The following COL13A1 variants were observed in gnomAD, a reference collection of about 807,000 sequenced individuals.
COL13A1 encodes collagen alpha-1(XIII) chain.
Under a neutral mutation model 130.9 loss-of-function variants are expected in COL13A1, and 89 were observed. The ratio of observed to expected loss-of-function variants is 0.68; its 90% CI spans 0.57 to 0.81. The LOEUF (loss-of-function observed/expected upper bound fraction) is 0.81, where lower values mean the gene tolerates loss of function less well. Ranked by LOEUF, COL13A1 falls within the 30% of genes least tolerant of loss-of-function variation. The pLI, the probability that COL13A1 is intolerant of heterozygous loss-of-function variation, is 0.00. For missense variants in COL13A1, 879 were observed against 934.6 expected, an observed-to-expected ratio of 0.94 and a Z score of 0.78; for synonymous variants, 402 against 341.6, an observed-to-expected ratio of 1.18 and a Z score of -1.95.
intron 2 of COL13A1, among the ~76,000 whole-genome samples, chr10:69,845,216 A>T (rs1852687887): frequency 7.0e-6 from 1 of 143,732 alleles, no homozygotes. Context: ...TTTCTGAGAC[A>T]GAGTCTTACT....
chr10:69,840,065 G>A (rs920649861), intron 2 of COL13A1, among the ~76,000 whole-genome samples: 20 of 152,242 alleles, frequency 1.3e-4, no homozygotes, highest in African/African-American at 4.6e-4. Flanking sequence ...AATGGGGAGA[G>A]TGTGCAGATT....
intron 2 of COL13A1, among the ~76,000 whole-genome samples, chr10:69,835,238 G>A (rs1411947784): frequency 6.6e-6 from 1 of 152,162 alleles, no homozygotes; most frequent in African/African-American, 2.4e-5. Context: ...AGAAGGTTCT[G>A]CCACAGTGAC....
intron 10 of COL13A1, among the ~76,000 whole-genome samples, chr10:69,894,282 T>C (rs2061439970): frequency 6.6e-6 from 1 of 152,288 alleles, no homozygotes; most frequent in African/African-American, 2.4e-5. Context: ...GTAGAGCCCC[T>C]CCATAGCTGG....
At chr10:69,945,930 G>A (rs1463387024) in intron 37 of COL13A1, among the ~76,000 whole-genome samples, 2 of 152,050 alleles carry the variant, frequency 1.3e-5, no homozygotes, top group African/African-American at 4.8e-5. Context: ...ACTTAGCCAC[G>A]TGTGGTGGTG....
chr10:69,885,199 T>G (rs1349760835), intron 7 of COL13A1, among the ~76,000 whole-genome samples: 2 of 151,914 alleles, frequency 1.3e-5, no homozygotes, highest in African/African-American at 4.9e-5. Context: ...AGATTAAGTT[T>G]GTCTGTAGAA....
At chr10:69,817,908 T>C (rs1845018339) in intron 1 of COL13A1, among the ~76,000 whole-genome samples, 1 of 152,104 alleles carries the variant, frequency 6.6e-6, no homozygotes. Flanking sequence ...CATGGTGCTG[T>C]TGAGATTTAA....
At chr10:69,848,427 C>T (rs965822851) in intron 2 of COL13A1, among the ~76,000 whole-genome samples, 1 of 152,134 alleles carries the variant, frequency 6.6e-6, no homozygotes, top group Non-Finnish European at 1.5e-5. Context: ...TATAAAGAGA[C>T]TGAGGCTCAG....
At chr10:69,808,702 A>G (rs1313135262) in intron 1 of COL13A1, among the ~76,000 whole-genome samples, 1 of 152,240 alleles carries the variant, frequency 6.6e-6, no homozygotes, top group Non-Finnish European at 1.5e-5. Flanking sequence ...CGATAGAGGC[A>G]TGCTGTCTTG....
In COL13A1 at chr10:69,802,568, A is replaced by G. The variant is rs778271671; in HGVS notation, c.145A>G (p.Thr49Ala). ...LPSPGSCGLL[T>A]LALCSLALSL... ...GAGTCCAGGGTCGTGCGGGCTGCTGACGCTGGCCCTCTGCTCGCTGGCACT... is the reference window on the plus strand; with the variant it reads ...GAGTCCAGGGTCGTGCGGGCTGCTGGCGCTGGCCCTCTGCTCGCTGGCACT... Residue 49 changes from threonine to alanine, a missense_variant, in exon 1 of 41, where the codon ACG becomes GCG. Coordinates refer to ENST00000645393, the MANE Select transcript of COL13A1 (RefSeq NM_001368882.1). The G allele has an allele frequency of 6.2e-7, 1 of 1,610,208 alleles. No homozygotes were observed. The highest frequency in any genetic ancestry group is 1.7e-5 in the Admixed American group (1 of 59,866).
chr10:69,929,174 A>C (rs2065781703), intron 28 of COL13A1, among the ~76,000 whole-genome samples, 175 bp downstream of exon 28: 1 of 151,424 alleles, frequency 6.6e-6, no homozygotes, highest in Non-Finnish European at 1.5e-5. Context: ...CTTCTAGCCA[A>C]CCCTTGCCAT....
intron 13 of COL13A1, among the ~76,000 whole-genome samples, chr10:69,896,820 G>A (rs1327794551): frequency 1.3e-5 from 2 of 152,240 alleles, no homozygotes; most frequent in Non-Finnish European, 1.5e-5. Context: ...GCCTGTCAGC[G>A]GCATGTGCTC....
At position 69,880,514 on chromosome 10, in the gene COL13A1, A is replaced by G. The variant is rs2060022167; in HGVS notation, c.474A>G (p.Gly158=). The G allele has an allele frequency of 6.2e-7, 1 of 1,612,602 alleles. No homozygotes were observed. Among genetic ancestry groups the G allele is most frequent in the Admixed American group, 1.7e-5 (1 of 59,970 alleles). ...KGQPGEKGSP[G]DAGLSIIGPR... ...CTCTCTCCCCGCAGGGGTCCCCCGGAGACGCTGGGCTGTCCATCATTGGTC... is the reference window on the plus strand; with the variant it reads ...CTCTCTCCCCGCAGGGGTCCCCCGGGGACGCTGGGCTGTCCATCATTGGTC... The change falls in exon 7 of 41, where the codon GGA becomes GGG. Residue 158 remains glycine, a synonymous_variant. Coordinates refer to ENST00000645393, the MANE Select transcript of COL13A1 (RefSeq NM_001368882.1).
intron 2 of COL13A1, among the ~76,000 whole-genome samples, chr10:69,831,306 C>A (rs2132933080): frequency 6.6e-6 from 1 of 152,318 alleles, no homozygotes; most frequent in Admixed American, 6.5e-5. Context: ...TCAAGCCCTG[C>A]TCAGCTGGAC....
At chr10:69,893,064 T>C (rs1395227681) in intron 10 of COL13A1, among the ~76,000 whole-genome samples, 1 of 152,224 alleles carries the variant, frequency 6.6e-6, no homozygotes, top group South Asian at 2.1e-4. Flanking sequence ...CTAAGCACTC[T>C]GCCAGGCCGA....
intron 2 of COL13A1, among the ~76,000 whole-genome samples, chr10:69,854,113 T>C (rs1162791288): frequency 2.0e-5 from 3 of 152,244 alleles, no homozygotes; most frequent in African/African-American, 4.8e-5. Flanking sequence ...CCCACATCCC[T>C]GGCACGTACA....
At chr10:69,946,252 G>T (rs2068514170) in intron 37 of COL13A1, among the ~76,000 whole-genome samples, 1 of 152,250 alleles carries the variant, frequency 6.6e-6, no homozygotes, top group African/African-American at 2.4e-5. Flanking sequence ...TCTGCCATGG[G>T]GACCCTGTAA....
intron 38 of COL13A1, among the ~76,000 whole-genome samples, chr10:69,952,606 C>A (rs901524866): frequency 1.3e-5 from 2 of 152,172 alleles, no homozygotes; most frequent in Admixed American, 6.5e-5. Flanking sequence ...AAACCGGCCA[C>A]CAAAATCTTC....
chr10:69,935,226 T>A, intron 31 of COL13A1, 124 bp from the exon 32 acceptor site: 1 of 781,916 alleles, frequency 1.3e-6, no homozygotes, highest in Non-Finnish European at 2.2e-6. Context: ...TGCTGGGCAG[T>A]CACTGGCTGA....
intron 2 of COL13A1, among the ~76,000 whole-genome samples, chr10:69,854,790 T>C (rs1855939009): frequency 6.6e-6 from 1 of 152,094 alleles, no homozygotes; most frequent in South Asian, 2.1e-4. Flanking sequence ...GGGTCCTAGA[T>C]AGAGGAATGG....
Sources: gnomAD v4.1 joint callset for allele counts (sites outside exome capture counted in the v4.1 genomes callset) on GRCh38, gnomAD v4.1.1 for gene constraint, MANE v1.5 for transcripts, NCBI Gene and HGNC (gene_info 2026-07-23, HGNC 2026-07-21) for gene names.